FRS2: variants seen among roughly 807,000 people sequenced by gnomAD.
FRS2 encodes the protein FGFR signalling adaptor.
A neutral mutation model predicts 43.9 loss-of-function variants in FRS2; 8 were observed. The observed-to-expected ratio is 0.18, with a 90% CI of 0.11 to 0.33. FRS2 has a LOEUF of 0.33. FRS2 is among the 10% of genes least tolerant of loss of function. The pLI is 1.00. For synonymous variants in FRS2, 219 were observed against 220.3 expected (o/e 0.99, Z 0.05); for missense variants, 534 against 627.6 (o/e 0.85, Z 1.59).
In FRS2 at chr12:69,495,697, G is replaced by T. The variant is rs950764248; in HGVS notation, c.-261+25167G>T. ...GAGGCCAGGAGTTTAAGACTGGCCT[G>T]GGCAACATAGCAAGACACTGTCTCT... On this transcript the variant is annotated intron_variant, in intron 1 of 8. Transcript: ENST00000549921. Among the ~76,000 whole-genome samples, 11 of 152,298 alleles carry T rather than the reference G, an allele frequency of 7.2e-5. No homozygotes were observed. The South Asian group carries it at 1.9e-3, about 26-fold the overall frequency.
chr12:69,500,161 TTTAGATAGATGCTG>T (rs1873310390), intron 1 of FRS2, among the ~76,000 whole-genome samples: 1 of 152,160 alleles, frequency 6.6e-6, no homozygotes, highest in Non-Finnish European at 1.5e-5. Context: ...GGTATTAACT[TTTAGATAGATGCTG>T]TTACCTGCTA....
chr12:69,504,907 C>T (rs1038488381), intron 1 of FRS2, among the ~76,000 whole-genome samples: 2 of 152,192 alleles, frequency 1.3e-5, no homozygotes, highest in Non-Finnish European at 2.9e-5. Flanking sequence ...CAGCTTAGCG[C>T]AGCCTCAAAC....
At chr12:69,482,861 T>C (rs1871465768) in intron 1 of FRS2, among the ~76,000 whole-genome samples, 1 of 152,316 alleles carries the variant, frequency 6.6e-6, no homozygotes, top group African/African-American at 2.4e-5. Context: ...CTGACTTAAG[T>C]AAATTACATT....
intron 3 of FRS2, among the ~76,000 whole-genome samples, chr12:69,557,381 T>C (rs1879447457): frequency 2.0e-5 from 3 of 152,150 alleles, no homozygotes; most frequent in African/African-American, 7.2e-5. Flanking sequence ...ATGATAATCG[T>C]TTTCTAGAGA....
At chr12:69,551,256 T>TTC (rs1667001849) in intron 3 of FRS2, among the ~76,000 whole-genome samples, 2 of 152,218 alleles carry the variant, frequency 1.3e-5, no homozygotes, top group African/African-American at 4.8e-5. Flanking sequence ...GGGAGGCTGA[T>TTC]TCGGGAGGAT....
intron 1 of FRS2, among the ~76,000 whole-genome samples, chr12:69,520,274 G>GT (rs1160069194): frequency 6.6e-6 from 1 of 150,874 alleles, no homozygotes; most frequent in African/African-American, 2.4e-5. Context: ...TTGAAAATAT[G>GT]TTTAAGTTCC....
At chr12:69,558,301 A>G (rs930766010) in intron 3 of FRS2, among the ~76,000 whole-genome samples, 2 of 152,354 alleles carry the variant, frequency 1.3e-5, no homozygotes, top group African/African-American at 4.8e-5. Context: ...ACCAATGTTA[A>G]GTTAAATTCT....
intron 1 of FRS2, among the ~76,000 whole-genome samples, chr12:69,521,026 A>G (rs1477156804): frequency 1.3e-5 from 2 of 152,146 alleles, no homozygotes; most frequent in Non-Finnish European, 2.9e-5. Context: ...GATTCTTCCT[A>G]TCCATGAGCA....
At chr12:69,521,419 C>G (rs1326878384) in intron 1 of FRS2, among the ~76,000 whole-genome samples, 1 of 152,100 alleles carries the variant, frequency 6.6e-6, no homozygotes, top group Non-Finnish European at 1.5e-5. Flanking sequence ...ATTGCTCTGG[C>G]CAGGACTTCC....
intron 4 of FRS2, among the ~76,000 whole-genome samples, chr12:69,564,620 T>C (rs1472181658): frequency 6.6e-6 from 1 of 152,196 alleles, no homozygotes; most frequent in Non-Finnish European, 1.5e-5. Flanking sequence ...TGACTTTTCC[T>C]CTTAAATGTT....
At chr12:69,553,371 C>T (rs1879073632) in intron 3 of FRS2, among the ~76,000 whole-genome samples, 1 of 152,032 alleles carries the variant, frequency 6.6e-6, no homozygotes, top group Non-Finnish European at 1.5e-5. Flanking sequence ...GCGCCTGGCC[C>T]ACTTGGAGCT....
intron 8 of FRS2, among the ~76,000 whole-genome samples, chr12:69,573,512 TA>T (rs148082266): frequency 0.093 from 14,144 of 152,186 alleles, 856 homozygotes; most frequent in Non-Finnish European, 0.14. Flanking sequence ...CCCAGGCTGA[TA>T]ATGTAATGGT....
At chr12:69,477,484 G>T (rs1340075865) in intron 1 of FRS2, among the ~76,000 whole-genome samples, 1 of 150,024 alleles carries the variant, frequency 6.7e-6, no homozygotes, top group Non-Finnish European at 1.5e-5. Context: ...GGGTTTCACC[G>T]TGTTAGCCAA....
intron 3 of FRS2, among the ~76,000 whole-genome samples, chr12:69,533,599 T>A (rs1381994663): frequency 6.6e-6 from 1 of 152,210 alleles, no homozygotes; most frequent in Non-Finnish European, 1.5e-5. Context: ...TCCGCCTGCC[T>A]TGGCCTCCCA....
chr12:69,565,066 A>G (rs1880177018), intron 4 of FRS2, among the ~76,000 whole-genome samples: 1 of 152,226 alleles, frequency 6.6e-6, no homozygotes, highest in Non-Finnish European at 1.5e-5. Flanking sequence ...TACTTACACA[A>G]ACCTAAATGG....
At chr12:69,490,097 A>G (rs1236048662) in intron 1 of FRS2, among the ~76,000 whole-genome samples, 1 of 152,208 alleles carries the variant, frequency 6.6e-6, no homozygotes, top group Non-Finnish European at 1.5e-5. Context: ...TTAACAAAAA[A>G]TAAATACACT....
chr12:69,553,923 T>TA (rs1879125989), intron 3 of FRS2, among the ~76,000 whole-genome samples: 2 of 152,200 alleles, frequency 1.3e-5, no homozygotes, highest in African/African-American at 4.8e-5. Context: ...TTCATAGTAT[T>TA]GGGGGCTTTT....
At chr12:69,497,758 A>G (rs957409872) in intron 1 of FRS2, among the ~76,000 whole-genome samples, 7 of 152,200 alleles carry the variant, frequency 4.6e-5, no homozygotes, top group African/African-American at 1.4e-4. Context: ...GCTCTAGCTG[A>G]GCTAATTTGT....
chr12:69,480,926 C>G (rs1484328020), intron 1 of FRS2, among the ~76,000 whole-genome samples: 1 of 151,806 alleles, frequency 6.6e-6, no homozygotes, highest in African/African-American at 2.4e-5. Flanking sequence ...GTTCTCGTAA[C>G]TTTATGTTAG....
Sources: gnomAD v4.1 joint callset for allele counts (sites outside exome capture counted in the v4.1 genomes callset) on GRCh38, gnomAD v4.1.1 for gene constraint, MANE v1.5 for transcripts, NCBI Gene and HGNC (gene_info 2026-07-23, HGNC 2026-07-21) for gene names.